Variants in BCL11A observed in about 807,000 individuals in gnomAD.
BCL11A encodes the protein B cell CLL/lymphoma 11A.
A neutral mutation model predicts 55.9 loss-of-function variants in BCL11A; 2 were observed. The ratio of observed to expected loss-of-function variants is 0.04; its 90% CI spans 0.01 to 0.11. The LOEUF is 0.11. BCL11A is among the 10% of genes least tolerant of loss of function. The pLI is 1.00. For synonymous variants in BCL11A, 465 were observed against 473.4 expected, an observed-to-expected ratio of 0.98 and a Z score of 0.23; for missense variants, 817 against 1,137.1, an observed-to-expected ratio of 0.72 and a Z score of 4.05.
At chr2:60,481,417 C>T (rs1677952960) in intron 2 of BCL11A, among the ~76,000 whole-genome samples, 1 of 152,184 alleles carries the variant, frequency 6.6e-6, no homozygotes, top group Admixed American at 6.5e-5. Context: ...CGCACCTCTG[C>T]TTTGCGGCTT....
chr2:60,551,235 C>A (rs1013951686), intron 1 of BCL11A, among the ~76,000 whole-genome samples: 1 of 152,262 alleles, frequency 6.6e-6, no homozygotes, highest in Non-Finnish European at 1.5e-5. Context: ...AAGTGCCCAC[C>A]GCCCGCCTTT....
intron 3 of BCL11A, among the ~76,000 whole-genome samples, chr2:60,467,995 G>T (rs1346460132): frequency 7.0e-6 from 1 of 142,232 alleles, no homozygotes; most frequent in Admixed American, 6.8e-5. Flanking sequence ...TGGTGGTAAT[G>T]GTGGTGGTGG....
chr2:60,471,455 C>T (rs903321736), intron 2 of BCL11A, among the ~76,000 whole-genome samples: 1 of 152,232 alleles, frequency 6.6e-6, no homozygotes, highest in Admixed American at 6.5e-5. Context: ...AATCGACATT[C>T]CCACATGAAC....
intron 2 of BCL11A, chr2:60,535,432 C>T (rs1178047857): frequency 6.6e-6 from 1 of 152,178 alleles, no homozygotes; most frequent in Non-Finnish European, 1.5e-5. Flanking sequence ...AAGAGCCAAA[C>T]CTATCTCTAA....
At chr2:60,496,482 A>G (rs535801362) in intron 2 of BCL11A, 2 of 152,284 alleles carry the variant, frequency 1.3e-5, no homozygotes, top group African/African-American at 4.8e-5. Context: ...CACACAGCAA[A>G]AGTGAGTTCA....
At chr2:60,476,570 G>T (rs1445262774) in intron 2 of BCL11A, among the ~76,000 whole-genome samples, 3 of 152,206 alleles carry the variant, frequency 2.0e-5, no homozygotes, top group African/African-American at 7.2e-5. Flanking sequence ...CAGCATGGAG[G>T]GTTCTTGGAA....
At chr2:60,543,017 C>T (rs982315994) in intron 2 of BCL11A, 1 of 95,046 alleles carries the variant, frequency 1.1e-5, no homozygotes, top group Non-Finnish European at 2.0e-5. Flanking sequence ...GCAACAAGAG[C>T]AAAACTCTGT....
At chr2:60,500,244 G>T (rs1344774279) in intron 2 of BCL11A, among the ~76,000 whole-genome samples, 1 of 152,100 alleles carries the variant, frequency 6.6e-6, no homozygotes, top group African/African-American at 2.4e-5. Context: ...TGAGAGCGGT[G>T]GTCTTGAGAG....
chr2:60,485,770 G>T (rs939319127), intron 2 of BCL11A, among the ~76,000 whole-genome samples: 16 of 152,174 alleles, frequency 1.1e-4, no homozygotes, highest in Middle Eastern at 3.2e-3. Context: ...TGAACTACGG[G>T]CTGAGCTCAA....
At chr2:60,497,377 A>C (rs1316183300) in intron 2 of BCL11A, among the ~76,000 whole-genome samples, 2 of 152,234 alleles carry the variant, frequency 1.3e-5, no homozygotes, top group Non-Finnish European at 2.9e-5. Flanking sequence ...GTATTCAAGC[A>C]TATATGAACT....
At chr2:60,473,767 A>G (rs1469467337) in intron 2 of BCL11A, among the ~76,000 whole-genome samples, 2 of 152,212 alleles carry the variant, frequency 1.3e-5, no homozygotes, top group South Asian at 2.1e-4. Context: ...AGTTGTGTCA[A>G]TCTGTAATGA....
intron 1 of BCL11A, among the ~76,000 whole-genome samples, chr2:60,551,546 C>T (rs1394942044): frequency 6.6e-6 from 1 of 152,208 alleles, no homozygotes; most frequent in African/African-American, 2.4e-5. Flanking sequence ...GAGCTGTGGA[C>T]AAGAGACGTC....
rs1670130161 is a variant in BCL11A, at chr2:60,545,965, A to AT, written c.385+5dup. On this transcript the variant is annotated splice_donor_region_variant and intron_variant, in intron 2 of 3. Transcript: ENST00000642384. ...CAAACAGCTTTTCTCCTTGCTTCTC[A>AT]TTTACCTGCTATGTGTTCCTGTTTG... The AT allele has an allele frequency of 6.2e-7, 1 of 1,608,804 alleles. No individual in the cohort carries two copies. Among genetic ancestry groups the AT allele is most frequent in the Admixed American group, 1.7e-5 (1 of 59,448 alleles).
chr2:60,455,136 A>G (rs1046631072), downstream of BCL11A, among the ~76,000 whole-genome samples: 1 of 152,198 alleles, frequency 6.6e-6, no homozygotes, highest in African/African-American at 2.4e-5. Context: ...AATTTGCGGT[A>G]TTCCTGTTTA....
chr2:60,521,535 T>C (rs1252404314), intron 2 of BCL11A, among the ~76,000 whole-genome samples: 1 of 152,188 alleles, frequency 6.6e-6, no homozygotes, highest in African/African-American at 2.4e-5. Context: ...GCTTTTGCTA[T>C]CTAGAAGAAC....
At position 60,459,684 on chromosome 2, in the gene BCL11A, T is replaced by C. The variant is rs1572946969; in HGVS notation, c.*720A>G. The C allele has an allele frequency of 9.7e-7, 1 of 1,035,092 alleles. No individual in the cohort carries two copies. The highest frequency in any genetic ancestry group is 6.0e-5 in the East Asian group (1 of 16,632). 64.1% of individuals were successfully genotyped at this position (1,035,092 alleles called of 1,614,324 possible). On this transcript the variant is annotated 3_prime_UTR_variant, in exon 4 of 4. Coordinates refer to ENST00000642384, the MANE Select transcript of BCL11A (RefSeq NM_022893.4). ...GGTTTTAATAGATCCAAGGCACTCA[T>C]ATTTTAAAACCAAATGATAGAATAA...
Position 60,458,033 on chromosome 2 carries a change from C to CT in BCL11A, c.*2370dup, listed in dbSNP as rs1223695317. The CT allele has an allele frequency of 1.2e-3, 1,095 of 950,790 alleles. No individual in the cohort carries two copies. Among genetic ancestry groups the CT allele is most frequent in the East Asian group, 5.2e-3 (76 of 14,704 alleles). The allele number at this position is 950,790 out of a possible 1,614,324, so 58.9% of individuals were successfully genotyped here. A position where few individuals can be genotyped will look rare whatever the true frequency, so the allele number is the denominator to read the frequency against. Reference sequence around the variant, plus strand: ...AAAAAAATATACTGTGGCAGCCTGTCTTTTTTTTTTCCACTACCAAAAAAG... The same window carrying CT: ...AAAAAAATATACTGTGGCAGCCTGTCTTTTTTTTTTTCCACTACCAAAAAAG... On this transcript the variant is annotated 3_prime_UTR_variant, in exon 4 of 4. Transcript: ENST00000642384.
In BCL11A at chr2:60,546,335, G is replaced by A; in HGVS notation, c.56-35C>T. The stretch of plus-strand genomic sequence containing the variant: ...GAGAAACAAAAGCACAATTATTAGA[G>A]TGCCAGAGAGGACAGAAAGGGGAGA... On this transcript the variant is annotated intron_variant, in intron 1 of 3. Transcript: ENST00000642384. This position sits in a 1 kb window ranked among gnomAD's most constrained non-coding sequence, Gnocchi z 4.1. 19 of 1,578,094 alleles carry A rather than the reference G, an allele frequency of 1.2e-5. No individual in the cohort carries two copies. Among genetic ancestry groups the A allele is most frequent in the Non-Finnish European group, 1.6e-5 (19 of 1,153,454 alleles).
chr2:60,456,810 T>C (rs941280657), downstream of BCL11A, among the ~76,000 whole-genome samples: 1 of 152,070 alleles, frequency 6.6e-6, no homozygotes, highest in South Asian at 2.1e-4. Context: ...GATGGGAGAA[T>C]AGAAAAGAAC....
Sources: gnomAD v4.1 joint callset for allele counts (sites outside exome capture counted in the v4.1 genomes callset) on GRCh38, gnomAD v4.1.1 for gene constraint, Gnocchi (gnomAD v3.1) non-coding constraint, MANE v1.5 for transcripts, NCBI Gene and HGNC (gene_info 2026-07-23, HGNC 2026-07-21) for gene names.